COL6A5: variants seen among roughly 807,000 people sequenced by gnomAD.
COL6A5 encodes collagen type VI alpha 5 chain.
COL6A5 carries 48 observed loss-of-function variants against 65.6 expected under a neutral mutation model. The ratio of observed to expected loss-of-function variants is 0.73; its 90% CI spans 0.58 to 0.93. COL6A5 has a LOEUF of 0.93. Among genes scored for constraint, COL6A5 ranks in the 40% least tolerant of loss-of-function variants. The pLI is 0.00. For missense variants in COL6A5, 914 were observed against 928.3 expected (o/e 0.98, Z 0.20); for synonymous variants, 291 against 322.8 (o/e 0.90, Z 1.05).
At chr3:130,427,568 G>C (rs1215835532), upstream of COL6A5, among the ~76,000 whole-genome samples, 1 of 152,070 alleles carries the variant, frequency 6.6e-6, no homozygotes, top group Non-Finnish European at 1.5e-5. Flanking sequence ...AGGGGTAGAG[G>C]AATCTTGTGT....
intron 7 of COL6A5, among the ~76,000 whole-genome samples, chr3:130,392,019 C>T (rs1438722955): frequency 3.3e-5 from 5 of 152,148 alleles, no homozygotes; most frequent in Non-Finnish European, 7.4e-5. Flanking sequence ...TTGCCTTTTT[C>T]TGGCAGAAAG....
intron 1 of COL6A5, among the ~76,000 whole-genome samples, chr3:130,432,419 C>T (rs12486483): frequency 0.62 from 94,603 of 151,634 alleles, 32,745 homozygotes; most frequent in Non-Finnish European, 0.78. Flanking sequence ...TGCATGGTGG[C>T]GCGTGCCTGT....
Position 130,431,733 on chromosome 3 carries a change from GC to G in COL6A5, c.275del (p.Arg93GlufsTer7), listed in dbSNP as rs1937820244. 1 of 1,551,560 alleles carries G rather than the reference GC, an allele frequency of 6.4e-7. No individual in the cohort carries two copies. Among genetic ancestry groups the G allele is most frequent in the Non-Finnish European group, 8.7e-7 (1 of 1,146,948 alleles). On this transcript the variant is annotated frameshift_variant, in exon 1 of 8. Coordinates refer to ENST00000512836, the Ensembl canonical transcript of COL6A5. LOFTEE classifies it high-confidence loss of function. ...AAATAAAATATCAAGACACCACAGA[GC>G]CCCGAGATGTTGGTAATGCAATGAG...
intron 1 of COL6A5, among the ~76,000 whole-genome samples, chr3:130,346,678 A>C (rs1043194519): frequency 6.6e-6 from 1 of 152,184 alleles, no homozygotes; most frequent in African/African-American, 2.4e-5. Context: ...AGGATCCCCA[A>C]GCTGGTAGCG....
intron 5 of COL6A5, among the ~76,000 whole-genome samples, chr3:130,466,057 T>C (rs1709807926): frequency 6.6e-6 from 1 of 152,072 alleles, no homozygotes. Context: ...TTCAGGATCT[T>C]CTCCCAATCA....
intron 17 of COL6A5, among the ~76,000 whole-genome samples, chr3:130,408,451 A>C (rs1987493): frequency 0.69 from 105,335 of 152,012 alleles, 39,584 homozygotes; most frequent in Non-Finnish European, 0.86. Flanking sequence ...GCTCGCGAAC[A>C]CTGTTTCCTG....
At chr3:130,379,506 G>C (rs16845861) in exon 4 of COL6A5, 13 of 1,551,040 alleles carry the variant, frequency 8.4e-6, no homozygotes, top group East Asian at 7.3e-5. Flanking sequence ...GAAATTTAAG[G>C]CATCTTCAGA....
At chr3:130,474,436 A>G (rs1039525520) in intron 7 of COL6A5, among the ~76,000 whole-genome samples, 5 of 152,122 alleles carry the variant, frequency 3.3e-5, no homozygotes, top group African/African-American at 1.2e-4. Flanking sequence ...GAGAACCAGG[A>G]GATGTGAACA....
intron 1 of COL6A5, among the ~76,000 whole-genome samples, chr3:130,364,464 C>A (rs1211018633): frequency 6.6e-6 from 1 of 152,110 alleles, no homozygotes; most frequent in Admixed American, 6.5e-5. Flanking sequence ...CATATACACA[C>A]AAATAAACAG....
At chr3:130,408,253 G>T (rs981559815) in intron 17 of COL6A5, among the ~76,000 whole-genome samples, 1 of 134,386 alleles carries the variant, frequency 7.4e-6, no homozygotes, top group African/African-American at 2.7e-5. Flanking sequence ...CTGGGAAAAC[G>T]AATGCATTCC....
intron 8 of COL6A5, among the ~76,000 whole-genome samples, chr3:130,396,506 G>C (rs2107658538): frequency 6.6e-6 from 1 of 152,338 alleles, no homozygotes; most frequent in East Asian, 1.9e-4. Flanking sequence ...GGCAGGATCA[G>C]AATAACCAAA....
chr3:130,410,776 C>T (rs35688409), intron 20 of COL6A5, among the ~76,000 whole-genome samples: 87,756 of 151,998 alleles, frequency 0.58, 28,101 homozygotes, highest in Non-Finnish European at 0.73. Context: ...TCCCCACTGC[C>T]CACTTGTGAC....
At chr3:130,387,664 T>C (rs188854366) in intron 5 of COL6A5, among the ~76,000 whole-genome samples, 4 of 152,178 alleles carry the variant, frequency 2.6e-5, no homozygotes, top group Admixed American at 6.6e-5. Context: ...ATATGGCTGA[T>C]GCTATGTTTA....
exon 6 of COL6A5, chr3:130,388,639 A>T (rs9882852): frequency 1.9e-6 from 3 of 1,551,000 alleles, no homozygotes. Flanking sequence ...GAGTATAGGA[A>T]ATGAAAATTT....
intron 7 of COL6A5, chr3:130,471,823 A>G (rs1709960202): frequency 6.5e-7 from 1 of 1,535,236 alleles, no homozygotes; most frequent in Non-Finnish European, 8.7e-7. Context: ...TGCAGAAGTT[A>G]TATCTGCTCT....
At chr3:130,443,520 A>C (rs1709234490) in exon 4 of COL6A5, 1 of 1,611,492 alleles carries the variant, frequency 6.2e-7, no homozygotes, top group South Asian at 1.1e-5. Flanking sequence ...GGATGCCTGT[A>C]GACTCATCAA....
chr3:130,368,975 G>T (rs2107630162), intron 1 of COL6A5, among the ~76,000 whole-genome samples: 1 of 152,288 alleles, frequency 6.6e-6, no homozygotes, highest in South Asian at 2.1e-4. Flanking sequence ...AGGTGGGAGT[G>T]CATGGATGGT....
intron 1 of COL6A5, among the ~76,000 whole-genome samples, chr3:130,359,677 A>T (rs1273557685): frequency 6.6e-6 from 1 of 152,082 alleles, no homozygotes; most frequent in Non-Finnish European, 1.5e-5. Flanking sequence ...ATAAGGCAAA[A>T]GTGTGTAGGA....
At chr3:130,399,624 G>C (rs534900890) in intron 10 of COL6A5, among the ~76,000 whole-genome samples, 4 of 151,862 alleles carry the variant, frequency 2.6e-5, no homozygotes, top group Non-Finnish European at 5.9e-5. Flanking sequence ...GCCCACCTCG[G>C]CCTCCCAAAG....
Sources: gnomAD v4.1 joint callset for allele counts (sites outside exome capture counted in the v4.1 genomes callset) on GRCh38, gnomAD v4.1.1 for gene constraint, MANE v1.5 for transcripts, NCBI Gene and HGNC (gene_info 2026-07-23, HGNC 2026-07-21) for gene names.